Variants in TNFAIP8 observed in about 807,000 individuals in gnomAD.
TNFAIP8 encodes tumor necrosis factor alpha-induced protein 8.
A neutral mutation model predicts 13.3 loss-of-function variants in TNFAIP8; 7 were observed. That is an observed-to-expected ratio of 0.52 (90% CI 0.30 to 0.99). TNFAIP8 has a LOEUF of 0.99. TNFAIP8 is among the 50% of genes least tolerant of loss of function. The pLI, the probability that TNFAIP8 is intolerant of heterozygous loss-of-function variation, is 0.07. For synonymous variants in TNFAIP8, 94 were observed against 87.6 expected (o/e 1.07, Z -0.41); for missense variants, 258 against 236.9 (o/e 1.09, Z -0.58).
chr5:119,278,374 A>AGTGTGT (rs1561979572), intron 1 of TNFAIP8, among the ~76,000 whole-genome samples: 6 of 123,116 alleles, frequency 4.9e-5, no homozygotes, highest in African/African-American at 2.3e-4. Flanking sequence ...AGAGAGAGAG[A>AGTGTGT]GAGTGTGTGT....
intron 1 of TNFAIP8, among the ~76,000 whole-genome samples, chr5:119,386,969 C>CCCTCCCT (rs1752702811): frequency 1.6e-5 from 2 of 123,874 alleles, no homozygotes; most frequent in African/African-American, 6.1e-5. Context: ...CTCCCTCCCT[C>CCCTCCCT]CCTCCCTCCC....
At chr5:119,288,238 A>G (rs1748863734) in intron 1 of TNFAIP8, among the ~76,000 whole-genome samples, 1 of 152,182 alleles carries the variant, frequency 6.6e-6, no homozygotes, top group Non-Finnish European at 1.5e-5. Flanking sequence ...TATTTTGTAC[A>G]CAGTTTTTCA....
chr5:119,308,808 T>C (rs1377614254), intron 1 of TNFAIP8, among the ~76,000 whole-genome samples: 3 of 149,818 alleles, frequency 2.0e-5, no homozygotes, highest in African/African-American at 7.5e-5. Context: ...TGAGCCAAGA[T>C]TGTGCCACTG....
intron 1 of TNFAIP8, among the ~76,000 whole-genome samples, chr5:119,309,160 A>T (rs1749656211): frequency 6.6e-6 from 1 of 152,196 alleles, no homozygotes; most frequent in Non-Finnish European, 1.5e-5. Flanking sequence ...CTGTGTTAAA[A>T]GCCTCTGCAA....
intron 1 of TNFAIP8, among the ~76,000 whole-genome samples, chr5:119,329,470 C>T (rs954628878): frequency 6.6e-6 from 1 of 152,166 alleles, no homozygotes; most frequent in Non-Finnish European, 1.5e-5. Flanking sequence ...CACTACTCTA[C>T]CTGGCCTTGT....
intron 1 of TNFAIP8, among the ~76,000 whole-genome samples, chr5:119,389,132 C>T (rs1752796679): frequency 6.6e-6 from 1 of 151,994 alleles, no homozygotes; most frequent in Non-Finnish European, 1.5e-5. Flanking sequence ...GGTGGATGAT[C>T]CCCAGGTCTC....
At position 119,392,775 on chromosome 5, in the gene TNFAIP8, T is replaced by A. The variant is rs1235122806; in HGVS notation, c.32-41T>A. The stretch of plus-strand genomic sequence containing the variant: ...TTAGTTCGCTTCACTTGCTGATATT[T>A]ACTAATTGTTAATTCTTTTCCTCTC... On this transcript the variant is annotated intron_variant, in intron 1 of 1. Coordinates refer to ENST00000504771, the MANE Select transcript of TNFAIP8 (RefSeq NM_014350.4). 6.7e-6 allele frequency: 10 copies of A among 1,487,986 alleles called. 1 individual carries two copies. The South Asian group carries it at 1.2e-4, about 18-fold the overall frequency. The allele number at this position is 1,487,986 out of a possible 1,614,324, so 92.2% of individuals were successfully genotyped here. A position where few individuals can be genotyped will look rare whatever the true frequency, so the allele number is the denominator to read the frequency against.
chr5:119,346,362 G>A (rs1750901974), intron 1 of TNFAIP8, among the ~76,000 whole-genome samples: 1 of 152,156 alleles, frequency 6.6e-6, no homozygotes, highest in Non-Finnish European at 1.5e-5. Context: ...CAGAAAGAGT[G>A]TACCGGAACC....
intron 1 of TNFAIP8, among the ~76,000 whole-genome samples, chr5:119,315,200 A>C (rs1251477030): frequency 6.6e-6 from 1 of 152,202 alleles, no homozygotes; most frequent in Non-Finnish European, 1.5e-5. Context: ...CTCCTGCTTC[A>C]GCCTCCTGAG....
intron 1 of TNFAIP8, among the ~76,000 whole-genome samples, chr5:119,337,666 G>A (rs201067602): frequency 2.6e-5 from 4 of 152,212 alleles, no homozygotes; most frequent in Non-Finnish European, 5.9e-5. Context: ...ATATTAATGC[G>A]GGGCTGCCGT....
At chr5:119,283,612 A>G (rs1305625528) in intron 1 of TNFAIP8, among the ~76,000 whole-genome samples, 4 of 152,178 alleles carry the variant, frequency 2.6e-5, no homozygotes, top group African/African-American at 9.7e-5. Context: ...AGTCGGTGAT[A>G]TGGAAAAGCT....
chr5:119,324,573 C>T (rs1750161711), intron 1 of TNFAIP8, among the ~76,000 whole-genome samples: 2 of 152,164 alleles, frequency 1.3e-5, no homozygotes, highest in South Asian at 4.2e-4. Context: ...GAAGATTGCC[C>T]CAGCCGCCTC....
chr5:119,352,136 G>A (rs995737338), upstream of TNFAIP8, among the ~76,000 whole-genome samples: 2 of 152,088 alleles, frequency 1.3e-5, no homozygotes, highest in African/African-American at 2.4e-5. Flanking sequence ...CCTGGGCCAG[G>A]GAGAGGCCAT....
intron 1 of TNFAIP8, among the ~76,000 whole-genome samples, chr5:119,292,682 A>ATATC (rs1749031209): frequency 2.4e-5 from 1 of 41,180 alleles, no homozygotes; most frequent in Non-Finnish European, 6.1e-5. Context: ...ATATATATAT[A>ATATC]TATACACACA....
intron 1 of TNFAIP8, among the ~76,000 whole-genome samples, chr5:119,361,638 C>G (rs1751640807): frequency 6.6e-6 from 1 of 152,314 alleles, no homozygotes; most frequent in South Asian, 2.1e-4. Context: ...GCCTCCAGAC[C>G]ACATTTGTTG....
Position 119,393,423 on chromosome 5 carries a change from G to A in TNFAIP8, c.*42G>A. The A allele has an allele frequency of 6.5e-7, 1 of 1,527,436 alleles. No individual in the cohort carries two copies. Among genetic ancestry groups the A allele is most frequent in the Non-Finnish European group, 8.9e-7 (1 of 1,119,306 alleles). The allele number at this position is 1,527,436 out of a possible 1,614,324, so 94.6% of individuals were successfully genotyped here. A position where few individuals can be genotyped will look rare whatever the true frequency, so the allele number is the denominator to read the frequency against. On this transcript the variant is annotated 3_prime_UTR_variant, in exon 2 of 2. Coordinates refer to ENST00000504771, the MANE Select transcript of TNFAIP8 (RefSeq NM_014350.4). Reference sequence around the variant, plus strand: ...TGTGACTGATCATGATTTATTTGAAGATGGAGCACTGCTGATTTATGAAGG... The same window carrying A: ...TGTGACTGATCATGATTTATTTGAAAATGGAGCACTGCTGATTTATGAAGG...
chr5:119,337,073 G>A (rs1400474250), intron 1 of TNFAIP8, among the ~76,000 whole-genome samples: 2 of 152,170 alleles, frequency 1.3e-5, no homozygotes, highest in Non-Finnish European at 2.9e-5. Context: ...TGCTGTCATC[G>A]GCATTGTCTC....
intron 1 of TNFAIP8, among the ~76,000 whole-genome samples, chr5:119,290,839 C>G (rs1438173363): frequency 6.6e-6 from 1 of 152,082 alleles, no homozygotes; most frequent in Non-Finnish European, 1.5e-5. Flanking sequence ...GCAGGGCGGA[C>G]AGCAGCTGGT....
At chr5:119,391,467 CGAGA>C (rs1562037229) in intron 1 of TNFAIP8, 1 of 701,010 alleles carries the variant, frequency 1.4e-6, no homozygotes, top group Non-Finnish European at 2.6e-6. Context: ...TTAGGAGAAG[CGAGA>C]GAAATGGGCC....
Sources: gnomAD v4.1 joint callset for allele counts (sites outside exome capture counted in the v4.1 genomes callset) on GRCh38, gnomAD v4.1.1 for gene constraint, MANE v1.5 for transcripts, NCBI Gene and HGNC (gene_info 2026-07-23, HGNC 2026-07-21) for gene names.